Variants in ARHGAP26 observed in about 807,000 individuals in gnomAD.
The protein encoded by ARHGAP26 is Rho GTPase activating protein 26.
In ARHGAP26, 38 loss-of-function variants were observed where a neutral mutation model predicts 104.8. That is an observed-to-expected ratio of 0.36 (90% CI 0.28 to 0.48). The LOEUF is 0.48. ARHGAP26 is among the 20% of genes least tolerant of loss of function. ARHGAP26 has a pLI of 0.99. For missense variants in ARHGAP26, 704 were observed against 947.9 expected (o/e 0.74, Z 3.38); for synonymous variants, 341 against 340.0 (o/e 1.00, Z -0.03).
chr5:142,811,749 C>T (rs1764116402), intron 1 of ARHGAP26, among the ~76,000 whole-genome samples: 1 of 152,228 alleles, frequency 6.6e-6, no homozygotes, highest in African/African-American at 2.4e-5. Flanking sequence ...TGGCGTGCAG[C>T]TATTACTTAA....
At chr5:143,107,651 G>A (rs1794203258) in intron 17 of ARHGAP26, among the ~76,000 whole-genome samples, 1 of 152,206 alleles carries the variant, frequency 6.6e-6, no homozygotes, top group African/African-American at 2.4e-5. Flanking sequence ...TTTGGGCTTT[G>A]TGAGTGACTC....
intron 11 of ARHGAP26, among the ~76,000 whole-genome samples, chr5:142,990,929 C>T (rs1775505703): frequency 6.6e-6 from 1 of 152,224 alleles, no homozygotes; most frequent in Admixed American, 6.5e-5. Flanking sequence ...CTTGAGGAGG[C>T]AGTCTGTCCA....
intron 1 of ARHGAP26, among the ~76,000 whole-genome samples, chr5:142,808,029 A>T (rs899579080): frequency 2.0e-5 from 3 of 151,892 alleles, no homozygotes; most frequent in African/African-American, 7.3e-5. Flanking sequence ...AGGTCAGGAG[A>T]TCGAAACCAT....
At chr5:143,116,738 CTA>C (rs1413060833) in intron 17 of ARHGAP26, among the ~76,000 whole-genome samples, 1 of 152,238 alleles carries the variant, frequency 6.6e-6, no homozygotes, top group African/African-American at 2.4e-5. Flanking sequence ...GAGTCTCCAT[CTA>C]TTTCCTCTTA....
intron 11 of ARHGAP26, among the ~76,000 whole-genome samples, chr5:142,976,405 A>G (rs1773095146): frequency 6.6e-6 from 1 of 152,234 alleles, no homozygotes; most frequent in East Asian, 1.9e-4. Flanking sequence ...AAGGAAGGAC[A>G]GATCTCTTGA....
intron 21 of ARHGAP26, 93 bp downstream of exon 21, chr5:143,207,401 A>C: frequency 6.2e-7 from 1 of 1,613,694 alleles, no homozygotes; most frequent in Non-Finnish European, 8.5e-7. Context: ...CTCCTCGTCA[A>C]CTTTGTTCCC....
chr5:143,179,304 A>C (rs1333267387), intron 20 of ARHGAP26, among the ~76,000 whole-genome samples: 4 of 152,328 alleles, frequency 2.6e-5, no homozygotes, highest in Non-Finnish European at 5.9e-5. Context: ...CCTGGCACCA[A>C]GGCAGCACTT....
chr5:143,176,626 ACAG>A (rs1462312448), intron 20 of ARHGAP26, among the ~76,000 whole-genome samples: 2 of 152,174 alleles, frequency 1.3e-5, no homozygotes, highest in Admixed American at 1.3e-4. Flanking sequence ...TAGCTTAGAG[ACAG>A]CTTTTAAATT....
intron 1 of ARHGAP26, among the ~76,000 whole-genome samples, chr5:142,828,198 G>T (rs1274343023): frequency 6.6e-6 from 1 of 152,192 alleles, no homozygotes; most frequent in African/African-American, 2.4e-5. Context: ...CAATACTCAG[G>T]GGATGAAGTA....
intron 17 of ARHGAP26, among the ~76,000 whole-genome samples, chr5:143,079,446 G>A (rs775328204): frequency 6.6e-6 from 1 of 152,142 alleles, no homozygotes; most frequent in Non-Finnish European, 1.5e-5. Flanking sequence ...AGGCAGGCAG[G>A]GAGATCACCC....
chr5:143,222,285 C>A (rs1811307955), intron 22 of ARHGAP26, 73 bp from the exon 23 acceptor site: 7 of 938,220 alleles, frequency 7.5e-6, no homozygotes, highest in African/African-American at 3.3e-5. Context: ...ACACACACAC[C>A]CCACACACAC....
chr5:142,913,113 T>A (rs1020394291), intron 9 of ARHGAP26, 86 bp from the exon 10 acceptor site: 9 of 1,126,880 alleles, frequency 8.0e-6, no homozygotes, highest in Admixed American at 5.2e-5. Context: ...ATGAAATGAT[T>A]GCTCCTGTTT....
intron 17 of ARHGAP26, among the ~76,000 whole-genome samples, chr5:143,064,754 C>T (rs576312121): frequency 5.9e-5 from 9 of 152,300 alleles, no homozygotes; most frequent in African/African-American, 1.7e-4. Flanking sequence ...TTTGTCTGTT[C>T]TGTGGCTTTG....
chr5:142,841,624 T>C (rs905829040), intron 1 of ARHGAP26, among the ~76,000 whole-genome samples: 4 of 152,204 alleles, frequency 2.6e-5, no homozygotes, highest in African/African-American at 9.6e-5. Context: ...ATTTCTTGGC[T>C]CTGCTGAAAG....
At chr5:143,172,190 G>A (rs1174622686) in intron 20 of ARHGAP26, among the ~76,000 whole-genome samples, 1 of 152,122 alleles carries the variant, frequency 6.6e-6, no homozygotes, top group African/African-American at 2.4e-5. Flanking sequence ...ACATGCATGC[G>A]TGTGTTTAGA....
chr5:142,898,737 T>C (rs1759852166), intron 6 of ARHGAP26, among the ~76,000 whole-genome samples: 2 of 152,212 alleles, frequency 1.3e-5, no homozygotes, highest in Admixed American at 6.5e-5. Flanking sequence ...ACCACTGTTA[T>C]CCTCTTGTCA....
intron 17 of ARHGAP26, among the ~76,000 whole-genome samples, chr5:143,072,626 A>G (rs565006775): frequency 6.6e-6 from 1 of 152,392 alleles, no homozygotes; most frequent in East Asian, 1.9e-4. Flanking sequence ...ACTGAAGAAC[A>G]TTATACTAAG....
chr5:142,929,098 C>T (rs1301979803), intron 10 of ARHGAP26, among the ~76,000 whole-genome samples: 2 of 152,132 alleles, frequency 1.3e-5, no homozygotes, highest in African/African-American at 4.8e-5. Flanking sequence ...CTACCACGCC[C>T]AGCTAATTTT....
At chr5:142,963,184 A>G (rs1218943478) in intron 11 of ARHGAP26, among the ~76,000 whole-genome samples, 14 of 101,612 alleles carry the variant, frequency 1.4e-4, no homozygotes, top group African/African-American at 8.1e-4. Context: ...ATATATATAT[A>G]TATATATATA....
Sources: gnomAD v4.1 joint callset for allele counts (sites outside exome capture counted in the v4.1 genomes callset) on GRCh38, gnomAD v4.1.1 for gene constraint, MANE v1.5 for transcripts, NCBI Gene and HGNC (gene_info 2026-07-23, HGNC 2026-07-21) for gene names.